The following TAFA4 variants were observed in gnomAD, a reference collection of about 807,000 sequenced individuals.
TAFA4 encodes the protein chemokine-like protein TAFA-4.
In TAFA4, 20 loss-of-function variants were observed where a neutral mutation model predicts 21.1. That is an observed-to-expected ratio of 0.95 (90% CI 0.67 to 1.38). The LOEUF (loss-of-function observed/expected upper bound fraction) is 1.38, where lower values mean the gene tolerates loss of function less well. TAFA4 is among the 40% of genes most tolerant of loss of function. TAFA4 has a pLI of 0.00. For missense variants in TAFA4, 211 were observed against 180.9 expected, an observed-to-expected ratio of 1.17 and a Z score of -0.95; for synonymous variants, 71 against 67.4, an observed-to-expected ratio of 1.05 and a Z score of -0.26.
At chr3:68,801,964 C>T (rs1703588145) in intron 3 of TAFA4, among the ~76,000 whole-genome samples, 1 of 152,014 alleles carries the variant, frequency 6.6e-6, no homozygotes, top group East Asian at 1.9e-4. Flanking sequence ...CAGAATCCAG[C>T]AATCTACAGT....
rs573116613 is a variant in TAFA4, at chr3:68,858,091, G to T, written c.130+22639C>A. On this transcript the variant is annotated intron_variant, in intron 3 of 5. Coordinates refer to ENST00000295569, the MANE Select transcript of TAFA4 (RefSeq NM_182522.5). Reference sequence around the variant, plus strand: ...GCCACTCACTTCAGCAATCAGTATGGCAGTGTCGCCATCTTTCCAGGTGGA... The same window carrying T: ...GCCACTCACTTCAGCAATCAGTATGTCAGTGTCGCCATCTTTCCAGGTGGA... 2.0e-4 allele frequency among the ~76,000 whole-genome samples: 31 copies of T among 152,188 alleles called. 1 individual carries two copies. Among genetic ancestry groups the T allele is most frequent in the African/African-American group, 6.0e-4 (25 of 41,526 alleles).
rs543150859 is a variant in TAFA4, at chr3:68,790,553, A to G, written c.131-37535T>C. ...TAAATGGGGAAAAAGGACCATGCTG[A>G]GTATACTCAAATGAGTCATGTTATA... On this transcript the variant is annotated intron_variant, in intron 3 of 5. Transcript: ENST00000295569. Among the ~76,000 whole-genome samples, 29 of 152,356 alleles carry G rather than the reference A, an allele frequency of 1.9e-4. 1 individual carries two copies. In the South Asian group the frequency reaches 6.0e-3, roughly 32 times the overall value.
chr3:68,872,199 T>C (rs1312484309), intron 3 of TAFA4, among the ~76,000 whole-genome samples: 1 of 152,100 alleles, frequency 6.6e-6, no homozygotes. Flanking sequence ...TACATATATA[T>C]ATATAATGGA....
chr3:68,744,419 T>C (rs568871029), intron 4 of TAFA4, among the ~76,000 whole-genome samples: 95 of 152,250 alleles, frequency 6.2e-4, no homozygotes, highest in African/African-American at 2.2e-3. Flanking sequence ...CTGAGCCAAG[T>C]AGTGCAATAA....
chr3:68,824,493 A>T lies in TAFA4; in HGVS notation c.130+56237T>A, dbSNP rs369372351. Among the ~76,000 whole-genome samples, 28 of 152,270 alleles carry T rather than the reference A, an allele frequency of 1.8e-4. No homozygotes were observed. The East Asian group carries it at 3.3e-3, about 18-fold the overall frequency. On this transcript the variant is annotated intron_variant, in intron 3 of 5. Transcript: ENST00000295569. The stretch of plus-strand genomic sequence containing the variant: ...CCTCTCCTGCCTCCTCCTTTCATGT[A>T]AAAGGACCTTGGTGATGACAGTGTG...
chr3:68,794,100 A>G (rs919751755), intron 3 of TAFA4, among the ~76,000 whole-genome samples: 1 of 152,226 alleles, frequency 6.6e-6, no homozygotes, highest in Non-Finnish European at 1.5e-5. Flanking sequence ...GATATTCTTG[A>G]AAATTCTAAT....
intron 4 of TAFA4, among the ~76,000 whole-genome samples, chr3:68,748,896 A>G (rs1702510586): frequency 6.6e-6 from 1 of 152,220 alleles, no homozygotes; most frequent in Non-Finnish European, 1.5e-5. Flanking sequence ...ACTTCCTTGT[A>G]CTACACATTT....
intron 2 of TAFA4, among the ~76,000 whole-genome samples, chr3:68,882,029 G>A (rs1225273752): frequency 6.6e-6 from 1 of 152,116 alleles, no homozygotes; most frequent in Non-Finnish European, 1.5e-5. Flanking sequence ...CTTGTTAAAG[G>A]GTGTATTGCT....
intron 3 of TAFA4, among the ~76,000 whole-genome samples, chr3:68,794,455 T>C (rs1275956752): frequency 1.3e-5 from 2 of 152,136 alleles, no homozygotes; most frequent in East Asian, 3.8e-4. Context: ...CAAATAAATA[T>C]AAACAACAGG....
chr3:68,877,215 T>C (rs987075284), intron 3 of TAFA4, among the ~76,000 whole-genome samples: 1 of 152,000 alleles, frequency 6.6e-6, no homozygotes. Flanking sequence ...AAAAATTAGC[T>C]GGGCGCTGTG....
At chr3:68,759,885 TG>T (rs1345275564) in intron 3 of TAFA4, among the ~76,000 whole-genome samples, 2 of 152,168 alleles carry the variant, frequency 1.3e-5, no homozygotes, top group South Asian at 4.2e-4. Context: ...GGTGGGCAGA[TG>T]GGGGGTAGAT....
At chr3:68,752,491 A>G (rs1431801672) in intron 4 of TAFA4, among the ~76,000 whole-genome samples, 1 of 152,222 alleles carries the variant, frequency 6.6e-6, no homozygotes, top group Non-Finnish European at 1.5e-5. Flanking sequence ...AACATATAAC[A>G]CCAAGCATGA....
chr3:68,814,678 G>C (rs1206969526), intron 3 of TAFA4, among the ~76,000 whole-genome samples: 4 of 152,156 alleles, frequency 2.6e-5, no homozygotes, highest in Non-Finnish European at 5.9e-5. Flanking sequence ...ACAAACACAT[G>C]GAAGAACATT....
chr3:68,857,563 T>C (rs1244567986), intron 3 of TAFA4, among the ~76,000 whole-genome samples: 1 of 152,146 alleles, frequency 6.6e-6, no homozygotes, highest in East Asian at 1.9e-4. Flanking sequence ...ACTTTACTAA[T>C]TTATCATTAT....
At chr3:68,912,842 TTTC>T (rs1218577806) in intron 1 of TAFA4, among the ~76,000 whole-genome samples, 3 of 152,166 alleles carry the variant, frequency 2.0e-5, no homozygotes, top group African/African-American at 7.2e-5. Context: ...AAAACTGAGT[TTTC>T]TAGTATTTTC....
At chr3:68,803,838 T>G in intron 3 of TAFA4, among the ~76,000 whole-genome samples, 1 of 137,810 alleles carries the variant, frequency 7.3e-6, no homozygotes, top group East Asian at 2.5e-4. Context: ...AGAGTCTTGC[T>G]CTGTCACCTA....
intron 3 of TAFA4, among the ~76,000 whole-genome samples, chr3:68,865,578 G>C (rs1323185265): frequency 6.6e-6 from 1 of 152,102 alleles, no homozygotes; most frequent in African/African-American, 2.4e-5. Flanking sequence ...GGCCTCCCCA[G>C]TCATGTGGAA....
intron 1 of TAFA4, among the ~76,000 whole-genome samples, chr3:68,907,361 T>C (rs1439293792): frequency 6.6e-6 from 1 of 152,130 alleles, no homozygotes; most frequent in Non-Finnish European, 1.5e-5. Flanking sequence ...AATGCCTGGA[T>C]CCTCATATGA....
chr3:68,857,935 G>A lies in TAFA4; in HGVS notation c.130+22795C>T, dbSNP rs114526024. 3.0e-3 allele frequency among the ~76,000 whole-genome samples: 464 copies of A among 152,208 alleles called. 3 individuals are homozygous for A. The highest frequency in any genetic ancestry group is 0.01 in the African/African-American group (429 of 41,540). ...AGAGAGGTTGTAATGCCTAGAGCAG[G>A]CCAATTGACCTCCATCTCATCCCAT... is the stretch of plus-strand genomic sequence containing the variant. On this transcript the variant is annotated intron_variant, in intron 3 of 5. Coordinates refer to ENST00000295569, the MANE Select transcript of TAFA4 (RefSeq NM_182522.5).
Sources: gnomAD v4.1 joint callset for allele counts (sites outside exome capture counted in the v4.1 genomes callset) on GRCh38, gnomAD v4.1.1 for gene constraint, MANE v1.5 for transcripts, NCBI Gene and HGNC (gene_info 2026-07-23, HGNC 2026-07-21) for gene names.